The following GRM5 variants were observed in gnomAD, a reference collection of about 807,000 sequenced individuals.
GRM5 encodes the protein glutamate metabotropic receptor 5, also known as metabotropic glutamate receptor 5.
Under a neutral mutation model 83.1 loss-of-function variants are expected in GRM5, and 19 were observed. That is an observed-to-expected ratio of 0.23 (90% CI 0.16 to 0.34). The LOEUF (loss-of-function observed/expected upper bound fraction) is 0.34. Among genes scored for constraint, GRM5 ranks in the 10% least tolerant of loss-of-function variants. GRM5 has a pLI of 1.00. For synonymous variants in GRM5, 675 were observed against 633.6 expected, an observed-to-expected ratio of 1.07 and a Z score of -0.98; for missense variants, 1,160 against 1,588.3, an observed-to-expected ratio of 0.73 and a Z score of 4.58.
chr11:88,722,105 C>T (rs1203756168), intron 3 of GRM5, among the ~76,000 whole-genome samples: 1 of 152,118 alleles, frequency 6.6e-6, no homozygotes, highest in Non-Finnish European at 1.5e-5. Context: ...TCTCTTGGTT[C>T]ACATTTGGTC....
At chr11:88,543,408 G>A (rs1281730235) in intron 8 of GRM5, among the ~76,000 whole-genome samples, 1 of 152,044 alleles carries the variant, frequency 6.6e-6, no homozygotes, top group Non-Finnish European at 1.5e-5. Context: ...TGACTGTCAC[G>A]TTCACCACAA....
At chr11:89,005,384 T>A (rs1313215412) in intron 2 of GRM5, among the ~76,000 whole-genome samples, 1 of 152,148 alleles carries the variant, frequency 6.6e-6, no homozygotes, top group African/African-American at 2.4e-5. Flanking sequence ...CTTGTATTAG[T>A]TTGGCTTGGC....
intron 4 of GRM5, among the ~76,000 whole-genome samples, chr11:88,628,145 A>C (rs1433009470): frequency 6.6e-6 from 1 of 152,182 alleles, no homozygotes; most frequent in African/African-American, 2.4e-5. Context: ...CTATGTCATT[A>C]ATCCCTAATT....
intron 2 of GRM5, among the ~76,000 whole-genome samples, chr11:89,042,611 G>A (rs1051898908): frequency 6.6e-6 from 1 of 152,072 alleles, no homozygotes; most frequent in African/African-American, 2.4e-5. Flanking sequence ...ACAAAATAAA[G>A]TCCTTTTAAA....
chr11:88,520,447 G>A (rs184051099), intron 9 of GRM5, among the ~76,000 whole-genome samples: 3 of 152,232 alleles, frequency 2.0e-5, no homozygotes, highest in Admixed American at 1.3e-4. Flanking sequence ...CTGTTATTAT[G>A]TGTTATTCTA....
chr11:88,958,247 A>G (rs1751501741), intron 2 of GRM5, among the ~76,000 whole-genome samples: 1 of 150,420 alleles, frequency 6.6e-6, no homozygotes, highest in South Asian at 2.1e-4. Context: ...AATATTTTAT[A>G]TATATATATA....
intron 3 of GRM5, among the ~76,000 whole-genome samples, chr11:88,659,812 G>A (rs1276856898): frequency 6.6e-6 from 1 of 152,082 alleles, no homozygotes; most frequent in Admixed American, 6.6e-5. Flanking sequence ...GGAATGTTAG[G>A]GCAGCGATGC....
chr11:88,974,374 G>GAGAT (rs71046273), intron 2 of GRM5, among the ~76,000 whole-genome samples: 27,847 of 147,674 alleles, frequency 0.19, 2,698 homozygotes, highest in African/African-American at 0.25. Flanking sequence ...CCTGGCAATA[G>GAGAT]AGATAGATAG....
At chr11:88,935,136 C>T (rs1214629033) in intron 2 of GRM5, among the ~76,000 whole-genome samples, 1 of 151,954 alleles carries the variant, frequency 6.6e-6, no homozygotes, top group Non-Finnish European at 1.5e-5. Flanking sequence ...GGTGACTTCA[C>T]CAAGCTTTCA....
chr11:88,717,170 T>G (rs1295277245), intron 3 of GRM5, among the ~76,000 whole-genome samples: 1 of 151,960 alleles, frequency 6.6e-6, no homozygotes, highest in Non-Finnish European at 1.5e-5. Context: ...TAAATAGGAA[T>G]CAGTTCTCTT....
At chr11:88,649,596 C>A (rs1485822186) in intron 4 of GRM5, among the ~76,000 whole-genome samples, 1 of 149,420 alleles carries the variant, frequency 6.7e-6, no homozygotes, top group Non-Finnish European at 1.5e-5. Context: ...TGGCTAACTT[C>A]TCAATGAAAT....
intron 4 of GRM5, among the ~76,000 whole-genome samples, chr11:88,618,622 T>G (rs1470170614): frequency 1.3e-5 from 2 of 150,336 alleles, no homozygotes; most frequent in Non-Finnish European, 3.0e-5. Context: ...AAAAAAACGA[T>G]TCAACATATA....
intron 2 of GRM5, among the ~76,000 whole-genome samples, chr11:88,885,267 T>C (rs1590938040): frequency 1.3e-5 from 2 of 151,934 alleles, no homozygotes; most frequent in East Asian, 3.9e-4. Flanking sequence ...CAAACCAAGA[T>C]TAAATCCTCT....
At chr11:89,049,643 G>A (rs1941715291) in intron 1 of GRM5, among the ~76,000 whole-genome samples, 1 of 152,126 alleles carries the variant, frequency 6.6e-6, no homozygotes, top group Non-Finnish European at 1.5e-5. Flanking sequence ...TCCTTCTACT[G>A]TTTCCTATGG....
At chr11:88,681,220 C>T (rs752113720) in intron 3 of GRM5, among the ~76,000 whole-genome samples, 1 of 152,096 alleles carries the variant, frequency 6.6e-6, no homozygotes. Flanking sequence ...TTGCTCTCAT[C>T]CCCTCCTGAG....
At chr11:88,787,169 G>A (rs988485793) in intron 3 of GRM5, among the ~76,000 whole-genome samples, 2 of 129,068 alleles carry the variant, frequency 1.5e-5, no homozygotes, top group African/African-American at 2.9e-5. Flanking sequence ...GTGTGTGTGT[G>A]TGTGTCTTTT....
At chr11:88,699,814 C>G (rs534858504) in intron 3 of GRM5, among the ~76,000 whole-genome samples, 16 of 152,276 alleles carry the variant, frequency 1.1e-4, no homozygotes, top group Middle Eastern at 3.4e-3. Flanking sequence ...CAGCATTTCT[C>G]CCAGAGCTGA....
chr11:88,722,773 T>A (rs1941578234), intron 3 of GRM5, among the ~76,000 whole-genome samples: 3 of 152,164 alleles, frequency 2.0e-5, no homozygotes, highest in Admixed American at 2.0e-4. Flanking sequence ...AGATTTCCCA[T>A]ATACCGCCTC....
chr11:88,583,351 T>C (rs1034270693), intron 7 of GRM5, among the ~76,000 whole-genome samples: 3 of 152,162 alleles, frequency 2.0e-5, no homozygotes, highest in Non-Finnish European at 4.4e-5. Flanking sequence ...AGCAATTAGG[T>C]AACTCAGGGA....
Sources: allele counts gnomAD v4.1 joint callset (sites outside exome capture counted in the v4.1 genomes callset), GRCh38; gene constraint gnomAD v4.1.1; transcripts MANE v1.5; gene names NCBI Gene and HGNC (gene_info 2026-07-23, HGNC 2026-07-21).